The following SLC7A14 variants were observed in gnomAD, a reference collection of about 807,000 sequenced individuals.
SLC7A14 encodes the protein gamma-aminobutyric acid transporter SLC7A14.
SLC7A14 carries 37 observed loss-of-function variants against 60.2 expected under a neutral mutation model. That is an observed-to-expected ratio of 0.61 (90% CI 0.47 to 0.81). SLC7A14 has a LOEUF of 0.81. Ranked by LOEUF, SLC7A14 falls within the 30% of genes least tolerant of loss-of-function variation. The pLI is 0.00. For synonymous variants in SLC7A14, 399 were observed against 395.8 expected (o/e 1.01, Z -0.10); for missense variants, 886 against 982.7 (o/e 0.90, Z 1.32).
At chr3:170,572,060 C>CAAAAAAAAAA (rs765897392) in intron 1 of SLC7A14, among the ~76,000 whole-genome samples, 1 of 80,692 alleles carries the variant, frequency 1.2e-5, no homozygotes. Context: ...GACTCTGTCT[C>CAAAAAAAAAA]AAAAAAAAAA....
At chr3:170,513,100 C>T (rs946425238) in intron 2 of SLC7A14, among the ~76,000 whole-genome samples, 1 of 152,140 alleles carries the variant, frequency 6.6e-6, no homozygotes, top group African/African-American at 2.4e-5. Context: ...AATGCAACAG[C>T]AATGGTGAGT....
intron 4 of SLC7A14, among the ~76,000 whole-genome samples, chr3:170,494,124 T>C (rs146076916): frequency 1.3e-5 from 2 of 152,350 alleles, no homozygotes; most frequent in East Asian, 3.9e-4. Flanking sequence ...CTTTGGCCCA[T>C]CCAGGACTGG....
Position 170,555,767 on chromosome 3 carries a change from G to A in SLC7A14, c.-152-28679C>T, listed in dbSNP as rs184551007. Among the ~76,000 whole-genome samples, 194 of 152,300 alleles carry A rather than the reference G, an allele frequency of 1.3e-3. 1 individual carries two copies. The highest frequency in any genetic ancestry group is 2.2e-3 in the Non-Finnish European group (152 of 68,020). On this transcript the variant is annotated intron_variant, in intron 1 of 7. Transcript: ENST00000231706. ...ATTATAATCTTATGGGACCACGGTT[G>A]TATATGTAGTTTGTTGACTCAAACA...
chr3:170,578,150 G>T (rs977072983), intron 1 of SLC7A14, among the ~76,000 whole-genome samples: 1 of 152,254 alleles, frequency 6.6e-6, no homozygotes, highest in Non-Finnish European at 1.5e-5. Context: ...TCCTGCACCA[G>T]CATCCATCTA....
At chr3:170,507,041 T>A (rs1712801890) in intron 2 of SLC7A14, among the ~76,000 whole-genome samples, 1 of 152,206 alleles carries the variant, frequency 6.6e-6, no homozygotes, top group South Asian at 2.1e-4. Flanking sequence ...TACTTTTAAA[T>A]AAGTGTACTT....
At chr3:170,533,917 A>G (rs1713759183) in intron 1 of SLC7A14, among the ~76,000 whole-genome samples, 1 of 152,206 alleles carries the variant, frequency 6.6e-6, no homozygotes, top group South Asian at 2.1e-4. Context: ...TTTATATTGT[A>G]TGTGGAGTCT....
At chr3:170,519,415 A>G (rs748917193) in intron 2 of SLC7A14, among the ~76,000 whole-genome samples, 12 of 152,222 alleles carry the variant, frequency 7.9e-5, no homozygotes, top group Non-Finnish European at 1.8e-4. Context: ...CTGTGGCCAG[A>G]TGTCCAAGTT....
chr3:170,501,737 T>G (rs556977195), intron 2 of SLC7A14, among the ~76,000 whole-genome samples: 1 of 152,344 alleles, frequency 6.6e-6, no homozygotes, highest in Non-Finnish European at 1.5e-5. Flanking sequence ...CTCTTTCAGT[T>G]TTTACATATT....
chr3:170,512,962 G>A (rs369448265), intron 2 of SLC7A14, among the ~76,000 whole-genome samples: 7 of 152,266 alleles, frequency 4.6e-5, no homozygotes. Context: ...GGCATGCACT[G>A]GGTAAACTGT....
chr3:170,527,684 A>AT (rs1038379162), intron 1 of SLC7A14, among the ~76,000 whole-genome samples: 7 of 151,980 alleles, frequency 4.6e-5, no homozygotes, highest in Non-Finnish European at 1.0e-4. Context: ...TGTTTTGGGA[A>AT]TTTTTTTTAC....
intron 4 of SLC7A14, among the ~76,000 whole-genome samples, chr3:170,498,449 T>G (rs1712480913): frequency 6.6e-6 from 1 of 152,004 alleles, no homozygotes; most frequent in Non-Finnish European, 1.5e-5. Context: ...ATTATTTGTA[T>G]AAAATAAGAT....
chr3:170,519,275 C>T (rs1293387775), intron 2 of SLC7A14, among the ~76,000 whole-genome samples: 1 of 152,134 alleles, frequency 6.6e-6, no homozygotes, highest in Non-Finnish European at 1.5e-5. Context: ...TGGAAGGCTT[C>T]AGGGTTTTGC....
At chr3:170,468,388 C>T (rs1216011033) in intron 7 of SLC7A14, among the ~76,000 whole-genome samples, 2 of 151,994 alleles carry the variant, frequency 1.3e-5, no homozygotes, top group Non-Finnish European at 2.9e-5. Context: ...GTCTCTGCCT[C>T]ATGGGCTCAA....
chr3:170,480,312 C>T lies in SLC7A14; in HGVS notation c.1970G>A (p.Arg657Gln), dbSNP rs776291294. ...MLKLSTITWIRFAVWCFVGLL... is the reference protein window; with the variant it reads ...MLKLSTITWIQFAVWCFVGLL... ...ACCCACAAAGCACCAGACCGCAAACCGGATCCATGTGATGGTGGAGAGCTT... is the reference window on the plus strand; with the variant it reads ...ACCCACAAAGCACCAGACCGCAAACTGGATCCATGTGATGGTGGAGAGCTT... The change falls in exon 7 of 8, where the codon CGG becomes CAG. Residue 657 changes from arginine to glutamine, a missense_variant. Physicochemically the swap from Arg to Gln is conservative, Grantham distance 43. Coordinates refer to ENST00000231706, the MANE Select transcript of SLC7A14 (RefSeq NM_020949.3). 17 of 1,540,644 alleles carry T rather than the reference C, an allele frequency of 1.1e-5. No homozygotes were observed. The highest frequency in any genetic ancestry group is 1.7e-4 in the Middle Eastern group (1 of 5,724).
chr3:170,500,997 G>A (rs1159736227), intron 3 of SLC7A14, 112 bp downstream of exon 3: 1 of 890,446 alleles, frequency 1.1e-6, no homozygotes, highest in Non-Finnish European at 1.8e-6. Flanking sequence ...GAAAAAGAGA[G>A]ATATATTTAA....
chr3:170,502,601 C>A (rs921012978), intron 2 of SLC7A14, among the ~76,000 whole-genome samples: 3 of 152,140 alleles, frequency 2.0e-5, no homozygotes, highest in Admixed American at 2.0e-4. Flanking sequence ...GTCAACTTTA[C>A]CTTCAGTCCT....
intron 2 of SLC7A14, among the ~76,000 whole-genome samples, chr3:170,502,584 A>G (rs1712650241): frequency 6.6e-6 from 1 of 151,996 alleles, no homozygotes; most frequent in African/African-American, 2.4e-5. Context: ...GTAGGAGGGA[A>G]CTCAAAGTCA....
chr3:170,554,162 C>A (rs115869160), intron 1 of SLC7A14, among the ~76,000 whole-genome samples: 3 of 152,186 alleles, frequency 2.0e-5, no homozygotes, highest in Non-Finnish European at 1.5e-5. Context: ...AGGATGAAAA[C>A]AATAAATGTT....
At chr3:170,552,870 C>G (rs1395352024) in intron 1 of SLC7A14, among the ~76,000 whole-genome samples, 1 of 152,204 alleles carries the variant, frequency 6.6e-6, no homozygotes, top group Non-Finnish European at 1.5e-5. Flanking sequence ...AACTTCTCAA[C>G]ATGACTTATC....
Sources: gnomAD v4.1 joint callset for allele counts (sites outside exome capture counted in the v4.1 genomes callset) on GRCh38, gnomAD v4.1.1 for gene constraint, MANE v1.5 for transcripts, NCBI Gene and HGNC (gene_info 2026-07-23, HGNC 2026-07-21) for gene names.